The following SQSTM1 variants were observed in gnomAD, a reference collection of about 807,000 sequenced individuals.
The protein encoded by SQSTM1 is sequestosome 1.
In SQSTM1, 36 loss-of-function variants were observed where a neutral mutation model predicts 45.1. That is an observed-to-expected ratio of 0.80 (90% CI 0.61 to 1.05). The LOEUF (loss-of-function observed/expected upper bound fraction) is 1.05. SQSTM1 is among the 50% of genes least tolerant of loss of function. The probability of loss-of-function intolerance (pLI) is 0.00; values close to 1 mark genes in which losing one functional copy is unlikely to be tolerated. For synonymous variants in SQSTM1, 290 were observed against 244.3 expected, an observed-to-expected ratio of 1.19 and a Z score of -1.74; for missense variants, 617 against 607.1, an observed-to-expected ratio of 1.02 and a Z score of -0.17.
Position 179,812,003 on chromosome 5 carries a change from A to G in SQSTM1, c.-48+321A>G, listed in dbSNP as rs1047250056. On this transcript the variant is annotated intron_variant, in intron 2 of 5. Transcript: ENST00000514093. ...GTATTTTTAGTAGAGACGGGGTTTC[A>G]CCGTGTTAGCCAGGATGGTCTCGAT... 11 of 152,042 alleles carry G rather than the reference A, an allele frequency of 7.2e-5. No individual in the cohort carries two copies. The East Asian group carries it at 1.2e-3, about 16-fold the overall frequency. The allele number at this position is 152,042 out of a possible 1,614,324, so 9.4% of individuals were successfully genotyped here.
At chr5:179,820,637 G>A (rs1274263226), upstream of SQSTM1, 15 of 349,144 alleles carry the variant, frequency 4.3e-5, no homozygotes, top group Non-Finnish European at 6.8e-5. Flanking sequence ...AGAGGCTGGA[G>A]CCCAGGCCTG....
At chr5:179,823,560 T>G (rs1279657778) in intron 2 of SQSTM1, 3 of 420,536 alleles carry the variant, frequency 7.1e-6, no homozygotes, top group African/African-American at 4.2e-5. Flanking sequence ...CCGTGGTGCT[T>G]GGGTTAGGGA....
chr5:179,837,455 T>G lies in SQSTM1; in HGVS notation c.*862T>G, dbSNP rs374714786. On this transcript the variant is annotated 3_prime_UTR_variant, in exon 8 of 8. Transcript: ENST00000389805. ...GTCACATAGTCGTGTGGGTCGAGGA[T>G]TCTGTGCCTCCAGGACCAGGGGCCC... 3 of 1,612,460 alleles carry G rather than the reference T, an allele frequency of 1.9e-6. No homozygotes were observed. Among genetic ancestry groups the G allele is most frequent in the African/African-American group, 2.7e-5 (2 of 74,778 alleles).
intron 1 of SQSTM1, 42 bp downstream of exon 1, chr5:179,821,183 G>T: frequency 7.6e-7 from 1 of 1,320,728 alleles, no homozygotes; most frequent in South Asian, 2.0e-5. Context: ...ACGCAGGCCG[G>T]ACACGGCCTC....
intron 5 of SQSTM1, 71 bp downstream of exon 5, chr5:179,825,297 T>C: frequency 1.6e-6 from 2 of 1,271,634 alleles, no homozygotes; most frequent in South Asian, 1.2e-5. Context: ...CCTGGAATAC[T>C]GCAAAGGAAT....
intron 2 of SQSTM1, 151 bp from the exon 3 acceptor site, chr5:179,823,707 C>G: frequency 1.3e-6 from 1 of 791,580 alleles, no homozygotes; most frequent in Non-Finnish European, 2.0e-6. Flanking sequence ...GGTGGCTCTG[C>G]TGCCCTCACC....
intron 7 of SQSTM1, among the ~76,000 whole-genome samples, chr5:179,834,250 G>A (rs1159646645): frequency 2.2e-5 from 2 of 92,124 alleles, no homozygotes; most frequent in Non-Finnish European, 4.3e-5. Flanking sequence ...GGGGTGGGGG[G>A]TGGGGACAGC....
intron 5 of SQSTM1, among the ~76,000 whole-genome samples, chr5:179,832,759 CA>C (rs1429932029): frequency 2.6e-5 from 4 of 152,114 alleles, no homozygotes; most frequent in Non-Finnish European, 4.4e-5. Flanking sequence ...TTCCAGAAGC[CA>C]CAGAGATTTG....
At chr5:179,810,770 A>G (rs1203382736) in intron 1 of SQSTM1, among the ~76,000 whole-genome samples, 1 of 152,210 alleles carries the variant, frequency 6.6e-6, no homozygotes, top group Non-Finnish European at 1.5e-5. Flanking sequence ...CATCCTCTCC[A>G]GCACCTGTTG....
chr5:179,822,856 G>T (rs1240721715), intron 1 of SQSTM1, 102 bp from the exon 2 acceptor site: 2 of 957,664 alleles, frequency 2.1e-6, no homozygotes, highest in Non-Finnish European at 3.4e-6. Flanking sequence ...TTTGTTTATA[G>T]CCCTGTGAGT....
At chr5:179,833,473 C>A in intron 6 of SQSTM1, 114 bp from the exon 7 acceptor site, 1 of 1,190,396 alleles carries the variant, frequency 8.4e-7, no homozygotes, top group Non-Finnish European at 1.2e-6. Context: ...CCCCTGCAGC[C>A]TTAACTGCAC....
chr5:179,824,324 G>A lies in SQSTM1; in HGVS notation c.673+1G>A, dbSNP rs113854522. ...CGCCCTGGCCCCACGGCAGAATCAGGTGAGGCTTGTGTTGGAACCTGCTTC... is the reference window on the plus strand; with the variant it reads ...CGCCCTGGCCCCACGGCAGAATCAGATGAGGCTTGTGTTGGAACCTGCTTC... On this transcript the variant is annotated splice_donor_variant, in intron 4 of 7. Transcript: ENST00000389805. LOFTEE classifies it high-confidence loss of function. 6.2e-7 allele frequency: 1 copy of A among 1,613,526 alleles called. No homozygotes were observed.
upstream of SQSTM1, among the ~76,000 whole-genome samples, chr5:179,814,025 G>A (rs918078203): frequency 5.9e-5 from 9 of 152,208 alleles, no homozygotes; most frequent in Non-Finnish European, 1.3e-4. Context: ...TATCGGGGTG[G>A]TGGCGTGAGC....
chr5:179,811,348 A>G, intron 1 of SQSTM1, among the ~76,000 whole-genome samples: 1 of 93,418 alleles, frequency 1.1e-5, no homozygotes, highest in Non-Finnish European at 2.1e-5. Flanking sequence ...GGAGCTATGC[A>G]GGGGGAGGAG....
At chr5:179,817,473 T>C (rs1229562058), upstream of SQSTM1, among the ~76,000 whole-genome samples, 1 of 152,190 alleles carries the variant, frequency 6.6e-6, no homozygotes, top group Non-Finnish European at 1.5e-5. Context: ...ATGTTTGAAT[T>C]TATTTGGAGA....
upstream of SQSTM1, among the ~76,000 whole-genome samples, chr5:179,819,527 G>T (rs1020959158): frequency 5.9e-5 from 9 of 152,244 alleles, no homozygotes; most frequent in Admixed American, 5.2e-4. Flanking sequence ...ATAGCCGGGG[G>T]CTGGGGCAGG....
At chr5:179,828,417 A>G (rs886744977) in intron 5 of SQSTM1, among the ~76,000 whole-genome samples, 7 of 119,316 alleles carry the variant, frequency 5.9e-5, no homozygotes, top group Non-Finnish European at 9.5e-5. Context: ...CTTGTTGTCC[A>G]GGCTGGAGTG....
chr5:179,822,281 ATAT>A (rs1453912821), intron 1 of SQSTM1, among the ~76,000 whole-genome samples: 2 of 152,078 alleles, frequency 1.3e-5, no homozygotes, highest in African/African-American at 4.8e-5. Flanking sequence ...TGGAGGAATA[ATAT>A]TCTGTTGTGT....
Position 179,836,509 on chromosome 5 carries a change from C to T in SQSTM1, c.1239C>T (p.Leu413=). 1 of 1,614,202 alleles carries T rather than the reference C, an allele frequency of 6.2e-7. No homozygotes were observed. The highest frequency in any genetic ancestry group is 2.2e-5 in the East Asian group (1 of 44,888). The change falls in exon 8 of 8, where the codon CTC becomes CTT. Residue 413 remains leucine (L), a synonymous_variant. Transcript: ENST00000389805. The part of the protein sequence containing the change: ...SMGFSDEGGW[L]TRLLQTKNYD... ...GCTTCTCTGATGAAGGCGGCTGGCT[C>T]ACCAGGCTCCTGCAGACCAAGAACT...
Sources: allele counts gnomAD v4.1 joint callset (sites outside exome capture counted in the v4.1 genomes callset), GRCh38; gene constraint gnomAD v4.1.1; transcripts MANE v1.5; gene names NCBI Gene and HGNC (gene_info 2026-07-23, HGNC 2026-07-21).